The following CARMIL1 variants were observed in gnomAD, a reference collection of about 807,000 sequenced individuals.
CARMIL1 encodes capping protein regulator and myosin 1 linker 1, also known as F-actin-uncapping protein LRRC16A.
CARMIL1 carries 90 observed loss-of-function variants against 177.1 expected under a neutral mutation model. The observed-to-expected ratio is 0.51, with a 90% CI of 0.43 to 0.61. The LOEUF (loss-of-function observed/expected upper bound fraction) is 0.61. Among genes scored for constraint, CARMIL1 ranks in the 20% least tolerant of loss-of-function variants. The pLI is 0.00. For synonymous variants in CARMIL1, 577 were observed against 606.2 expected (o/e 0.95, Z 0.71); for missense variants, 1,380 against 1,667.0 (o/e 0.83, Z 3.00).
In CARMIL1 at chr6:25,580,944, G is replaced by A; in HGVS notation, c.2763G>A (p.Arg921=). 1 of 1,599,716 alleles carries A rather than the reference G, an allele frequency of 6.3e-7. No homozygotes were observed. ...TCTAGATGACCCCTAAATCCAAAAGGAAGAGTATCCATAGCCGAATGCTGC... is the reference window on the plus strand; with the variant it reads ...TCTAGATGACCCCTAAATCCAAAAGAAAGAGTATCCATAGCCGAATGCTGC... ...DTCMMTPKSK[R]KSIHSRMLRP... The change falls in exon 30 of 37, where the codon AGG becomes AGA. Residue 921 remains arginine (R), a synonymous_variant. Transcript: ENST00000329474.
chr6:25,418,225 C>A (rs9467507), intron 2 of CARMIL1, among the ~76,000 whole-genome samples: 30 of 152,054 alleles, frequency 2.0e-4, no homozygotes, highest in African/African-American at 7.2e-4. Context: ...ACTGGAAACA[C>A]CTTGTGCAAA....
chr6:25,290,181 A>T lies in CARMIL1; in HGVS notation c.138+5272A>T, dbSNP rs370473439. On this transcript the variant is annotated intron_variant, in intron 2 of 36. Coordinates refer to ENST00000329474, the MANE Select transcript of CARMIL1 (RefSeq NM_017640.6). ...CATGAACACAGCTCCCTGCAGCCTC[A>T]ATCTCCCAGGCTTAAGTGATCCTCC... 1.2e-3 allele frequency among the ~76,000 whole-genome samples: 185 copies of T among 151,922 alleles called. 1 individual carries two copies. Among genetic ancestry groups the T allele is most frequent in the Middle Eastern group, 0.01 (3 of 294 alleles).
chr6:25,528,555 A>G (rs1807397737), intron 23 of CARMIL1, among the ~76,000 whole-genome samples: 1 of 152,184 alleles, frequency 6.6e-6, no homozygotes, highest in South Asian at 2.1e-4. Context: ...ATCTTTTTCA[A>G]CTACTGAGTT....
chr6:25,370,753 T>A (rs1341264396), intron 2 of CARMIL1, among the ~76,000 whole-genome samples: 1 of 152,142 alleles, frequency 6.6e-6, no homozygotes, highest in African/African-American at 2.4e-5. Flanking sequence ...ATTTTTTTTT[T>A]AGTTGATATA....
In CARMIL1 at chr6:25,455,641, G is replaced by A. The variant is rs562459180; in HGVS notation, c.614+4930G>A. Among the ~76,000 whole-genome samples, 4 of 152,272 alleles carry A rather than the reference G, an allele frequency of 2.6e-5. No homozygotes were observed. The East Asian group carries it at 7.7e-4, about 29-fold the overall frequency. ...TTAATGACATTCTTAACCCAATTTT[G>A]TTTGAAGCCATGGCTAAATTCTATC... On this transcript the variant is annotated intron_variant, in intron 8 of 36. Transcript: ENST00000329474.
intron 33 of CARMIL1, among the ~76,000 whole-genome samples, chr6:25,603,737 A>G (rs772689750): frequency 2.6e-5 from 4 of 152,152 alleles, no homozygotes; most frequent in Non-Finnish European, 4.4e-5. Flanking sequence ...ATCTTTGTCA[A>G]TATAATTCTT....
At chr6:25,497,751 G>C (rs558642385) in intron 16 of CARMIL1, among the ~76,000 whole-genome samples, 1 of 152,308 alleles carries the variant, frequency 6.6e-6, no homozygotes, top group South Asian at 2.1e-4. Context: ...AGCGCTTTAA[G>C]TTTGGACATA....
At chr6:25,511,336 T>C (rs1805431337) in intron 20 of CARMIL1, among the ~76,000 whole-genome samples, 1 of 152,168 alleles carries the variant, frequency 6.6e-6, no homozygotes. Context: ...TCCTTGAAAA[T>C]GGATTAGGAG....
chr6:25,527,387 G>T (rs147604502), intron 23 of CARMIL1, among the ~76,000 whole-genome samples: 222 of 152,310 alleles, frequency 1.5e-3, no homozygotes, highest in African/African-American at 4.7e-3. Flanking sequence ...GCCAGCCTTG[G>T]ATGCACTGCC....
chr6:25,582,179 C>T (rs1158871533), intron 31 of CARMIL1, among the ~76,000 whole-genome samples: 2 of 152,184 alleles, frequency 1.3e-5, no homozygotes, highest in African/African-American at 4.8e-5. Context: ...CTCCCAAGGT[C>T]ACTCCAGACC....
chr6:25,390,670 A>G (rs1193121730), intron 2 of CARMIL1, among the ~76,000 whole-genome samples: 2 of 152,104 alleles, frequency 1.3e-5, no homozygotes, highest in African/African-American at 2.4e-5. Context: ...CTCTTTAAAA[A>G]GTCACACTTT....
chr6:25,341,973 G>A (rs1786992828), intron 2 of CARMIL1, among the ~76,000 whole-genome samples: 1 of 152,190 alleles, frequency 6.6e-6, no homozygotes, highest in East Asian at 1.9e-4. Flanking sequence ...AGTTTGGGAA[G>A]CATTGTTTGA....
At chr6:25,466,420 G>A (rs72839013) in intron 9 of CARMIL1, among the ~76,000 whole-genome samples, 1,593 of 152,198 alleles carry the variant, frequency 0.01, 21 homozygotes, top group Non-Finnish European at 0.014. Context: ...TTATATGAAA[G>A]CAAAATGAAA....
intron 8 of CARMIL1, among the ~76,000 whole-genome samples, chr6:25,458,880 G>A (rs1054046009): frequency 9.2e-5 from 14 of 152,018 alleles, no homozygotes; most frequent in Admixed American, 2.6e-4. Context: ...TATTTAAAGC[G>A]CTTTGTGTTA....
intron 5 of CARMIL1, among the ~76,000 whole-genome samples, chr6:25,441,955 GTTA>G (rs988176317): frequency 6.6e-6 from 1 of 151,952 alleles, no homozygotes; most frequent in Non-Finnish European, 1.5e-5. Flanking sequence ...AAAATGTGAG[GTTA>G]TTATGGAGAA....
At chr6:25,303,054 G>C (rs73394120) in intron 2 of CARMIL1, among the ~76,000 whole-genome samples, 7,525 of 151,698 alleles carry the variant, frequency 0.05, 585 homozygotes, top group African/African-American at 0.17. Context: ...GTTTGCGAAG[G>C]CTTGGTCTCA....
At chr6:25,292,091 G>A (rs1262492415) in intron 2 of CARMIL1, among the ~76,000 whole-genome samples, 4 of 152,168 alleles carry the variant, frequency 2.6e-5, no homozygotes, top group African/African-American at 9.7e-5. Flanking sequence ...CATATAAAAT[G>A]TTTGTAGACT....
intron 2 of CARMIL1, among the ~76,000 whole-genome samples, chr6:25,327,555 C>T (rs1785242161): frequency 6.6e-6 from 1 of 152,180 alleles, no homozygotes; most frequent in Non-Finnish European, 1.5e-5. Flanking sequence ...CACTGGCTCC[C>T]CTCCGGCTAC....
chr6:25,364,360 A>G (rs988070198), intron 2 of CARMIL1, among the ~76,000 whole-genome samples: 2 of 152,180 alleles, frequency 1.3e-5, no homozygotes, highest in Non-Finnish European at 2.9e-5. Flanking sequence ...AAGATACAGA[A>G]CAGTTCCATC....
Sources: allele counts gnomAD v4.1 joint callset (sites outside exome capture counted in the v4.1 genomes callset), GRCh38; gene constraint gnomAD v4.1.1; transcripts MANE v1.5; gene names NCBI Gene and HGNC (gene_info 2026-07-23, HGNC 2026-07-21).